DTNA: variants seen among roughly 807,000 people sequenced by gnomAD.
DTNA encodes the protein dystrophin-related protein 3.
In DTNA, 43 loss-of-function variants were observed where a neutral mutation model predicts 100.7. The ratio of observed to expected loss-of-function variants is 0.43; its 90% CI spans 0.33 to 0.55. The LOEUF is 0.55. Ranked by LOEUF, DTNA falls within the 20% of genes least tolerant of loss-of-function variation. The probability of loss-of-function intolerance (pLI) is 0.04; values close to 1 mark genes in which losing one functional copy is unlikely to be tolerated. For synonymous variants in DTNA, 349 were observed against 347.9 expected (o/e 1.00, Z -0.04); for missense variants, 798 against 953.9 (o/e 0.84, Z 2.15).
chr18:34,647,460 T>G (rs969523171), intron 1 of DTNA, among the ~76,000 whole-genome samples: 1 of 152,202 alleles, frequency 6.6e-6, no homozygotes, highest in Non-Finnish European at 1.5e-5. Flanking sequence ...AAGTACCTCG[T>G]ATCACCTTTG....
chr18:34,559,302 A>G (rs780455555), intron 1 of DTNA, among the ~76,000 whole-genome samples: 33 of 152,250 alleles, frequency 2.2e-4, no homozygotes, highest in Admixed American at 9.8e-4. Context: ...TTACATTGCA[A>G]TTTCGCCAGG....
chr18:34,666,714 C>T (rs1283872637), intron 1 of DTNA, among the ~76,000 whole-genome samples: 1 of 152,084 alleles, frequency 6.6e-6, no homozygotes, highest in Non-Finnish European at 1.5e-5. Flanking sequence ...TCAGGTTTGT[C>T]AAAGATCAGA....
chr18:34,536,721 A>G (rs540449520), intron 1 of DTNA, among the ~76,000 whole-genome samples: 1 of 152,134 alleles, frequency 6.6e-6, no homozygotes, highest in East Asian at 1.9e-4. Context: ...CTTTCTTTTT[A>G]AGTTGCACAT....
chr18:34,533,385 A>C (rs2043349677), intron 1 of DTNA, among the ~76,000 whole-genome samples: 1 of 151,800 alleles, frequency 6.6e-6, no homozygotes, highest in African/African-American at 2.4e-5. Context: ...AAAAAAAAAA[A>C]AAAGTACAGA....
chr18:34,848,362 G>A lies in DTNA; in HGVS notation c.1413G>A (p.Leu471=), dbSNP rs1415953594. 1 of 1,614,050 alleles carries A rather than the reference G, an allele frequency of 6.2e-7. No homozygotes were observed. The highest frequency in any genetic ancestry group is 8.5e-7 in the Non-Finnish European group (1 of 1,179,958). Residue 471 remains leucine (L), a synonymous_variant, in exon 14 of 23, where the codon CTG becomes CTA. Transcript: ENST00000444659. ...TAATTGCCAGGTATGCGGCAAGGCT[G>A]GCAGCAGAGTCCTCTTCGTCTGTAA... ...HRLIARYAAR[L]AAESSSSQPP... is the part of the protein sequence containing the mutation.
intron 1 of DTNA, among the ~76,000 whole-genome samples, chr18:34,635,769 C>T (rs1307961589): frequency 6.6e-6 from 1 of 152,104 alleles, no homozygotes; most frequent in Non-Finnish European, 1.5e-5. Context: ...CTTTTAGGTA[C>T]TGGGAAGCTG....
intron 1 of DTNA, among the ~76,000 whole-genome samples, chr18:34,604,233 A>G (rs1438953395): frequency 6.6e-6 from 1 of 152,166 alleles, no homozygotes; most frequent in African/African-American, 2.4e-5. Flanking sequence ...CTTTTCATTC[A>G]TTAGCAATTT....
chr18:34,743,223 T>C (rs563200838), intron 1 of DTNA, among the ~76,000 whole-genome samples: 1 of 152,280 alleles, frequency 6.6e-6, no homozygotes, highest in East Asian at 1.9e-4. Context: ...GGAACCGTGG[T>C]GTGCAAAATG....
At chr18:34,578,441 TC>T (rs1234783933) in intron 1 of DTNA, among the ~76,000 whole-genome samples, 2 of 145,042 alleles carry the variant, frequency 1.4e-5, no homozygotes, top group Non-Finnish European at 3.0e-5. Flanking sequence ...TGCTTACTGT[TC>T]CTTTTGCCAT....
chr18:34,890,786 T>G lies in DTNA; in HGVS notation c.*3052T>G, dbSNP rs2096961060. On this transcript the variant is annotated 3_prime_UTR_variant, in exon 23 of 23. Coordinates refer to ENST00000444659, the MANE Select transcript of DTNA (RefSeq NM_001386795.1). ...GCAGGGAAGGTTCATTTGTAAGTAG[T>G]AATGTGAACTGAATTGCATTAAGAG... is the stretch of plus-strand genomic sequence containing the variant. 1 of 287,558 alleles carries G rather than the reference T, an allele frequency of 3.5e-6. No homozygotes were observed. Among genetic ancestry groups the G allele is most frequent in the African/African-American group, 2.1e-5 (1 of 46,740 alleles). The allele number at this position is 287,558 out of a possible 1,614,324, so 17.8% of individuals were successfully genotyped here. A position where few individuals can be genotyped will look rare whatever the true frequency, so the allele number is the denominator to read the frequency against.
At chr18:34,635,194 G>A (rs1047581456) in intron 1 of DTNA, among the ~76,000 whole-genome samples, 1 of 152,142 alleles carries the variant, frequency 6.6e-6, no homozygotes, top group Non-Finnish European at 1.5e-5. Flanking sequence ...CAAATGACAA[G>A]ATTTCCTTCT....
chr18:34,572,241 G>A (rs865911532), intron 1 of DTNA, among the ~76,000 whole-genome samples: 3 of 152,276 alleles, frequency 2.0e-5, no homozygotes, highest in African/African-American at 4.8e-5. Context: ...TGGGCCAATC[G>A]TTGTTATCCC....
At chr18:34,543,277 ATAATT>A (rs2044431118) in intron 1 of DTNA, among the ~76,000 whole-genome samples, 1 of 151,860 alleles carries the variant, frequency 6.6e-6, no homozygotes. Context: ...ATTAAATATA[ATAATT>A]TAATTATTTT....
At chr18:34,851,753 T>C (rs2096482561) in intron 14 of DTNA, 78 bp from the exon 15 acceptor site, 1 of 1,418,438 alleles carries the variant, frequency 7.1e-7, no homozygotes, top group South Asian at 1.2e-5. Flanking sequence ...CTTGTCTGCA[T>C]ATCTCATGAC....
intron 21 of DTNA, among the ~76,000 whole-genome samples, chr18:34,884,469 A>G (rs1336699819): frequency 1.3e-5 from 2 of 152,188 alleles, no homozygotes; most frequent in African/African-American, 4.8e-5. Flanking sequence ...AGAAAAGGAC[A>G]GGGAAGAAGC....
intron 1 of DTNA, among the ~76,000 whole-genome samples, chr18:34,555,879 A>G (rs1013885459): frequency 1.1e-4 from 16 of 152,238 alleles, no homozygotes; most frequent in South Asian, 2.1e-4. Flanking sequence ...TTAGATGTCT[A>G]TTAGGTCCGC....
At chr18:34,674,801 C>T (rs543964214) in intron 1 of DTNA, among the ~76,000 whole-genome samples, 2 of 152,198 alleles carry the variant, frequency 1.3e-5, no homozygotes, top group African/African-American at 4.8e-5. Flanking sequence ...AGCAATAAGT[C>T]CCTGCCCAGA....
At chr18:34,809,842 A>T (rs1456741358) in intron 5 of DTNA, among the ~76,000 whole-genome samples, 4 of 152,212 alleles carry the variant, frequency 2.6e-5, no homozygotes, top group Admixed American at 6.5e-5. Context: ...ATGTTGCAAC[A>T]TAATTTCCAG....
chr18:34,883,920 C>T (rs1603356282), intron 21 of DTNA, among the ~76,000 whole-genome samples: 1 of 152,280 alleles, frequency 6.6e-6, no homozygotes, highest in African/African-American at 2.4e-5. Flanking sequence ...ATAAGTGACT[C>T]TATATGTAGA....
Sources: allele counts gnomAD v4.1 joint callset (sites outside exome capture counted in the v4.1 genomes callset), GRCh38; gene constraint gnomAD v4.1.1; transcripts MANE v1.5; gene names NCBI Gene and HGNC (gene_info 2026-07-23, HGNC 2026-07-21).